SLC16A2: variants seen among roughly 807,000 people sequenced by gnomAD.
SLC16A2 encodes solute carrier family 16 member 2, also known as monocarboxylate transporter 8.
In SLC16A2, 3 loss-of-function variants were observed where a neutral mutation model predicts 27.2. The observed-to-expected ratio is 0.11, with a 90% confidence interval of 0.05 to 0.28. SLC16A2 has a LOEUF of 0.28. SLC16A2 is among the 10% of genes least tolerant of loss of function. The pLI is 1.00. For synonymous variants in SLC16A2, 202 were observed against 187.8 expected (o/e 1.08, Z -0.62); for missense variants, 295 against 458.5 (o/e 0.64, Z 3.26).
rs1043783786 is a variant in SLC16A2 at position 74,434,160 on chromosome X, A to G, written c.430+12093A>G. ...ACCAGAGAAGGAAAAGGGTCCCTCA[A>G]GAAGTGTATGATTCCCTTGAGAAGA... On this transcript the variant is annotated intron_variant, in intron 1 of 5. Coordinates refer to ENST00000587091, the MANE Select transcript of SLC16A2 (RefSeq NM_006517.5). Among the ~76,000 whole-genome samples, 9 of 100,524 alleles carry G rather than the reference A, an allele frequency of 9.0e-5. No individual in the cohort carries two copies. In the East Asian group the frequency reaches 2.3e-3, roughly 26 times the overall value. The allele number at this position is 100,524 out of a possible 115,157, so 87.3% of individuals were successfully genotyped here.
chrX:74,490,685 C>T (rs5937827), intron 1 of SLC16A2, among the ~76,000 whole-genome samples: 3,092 of 111,363 alleles, frequency 0.028, 49 homozygotes, highest in Middle Eastern at 0.07. Context: ...CGCAGGGGCA[C>T]GTTTTGCCTG....
chrX:74,426,430 G>T (rs760704596), intron 1 of SLC16A2, among the ~76,000 whole-genome samples: 14 of 112,269 alleles, frequency 1.2e-4, no homozygotes, highest in Middle Eastern at 4.6e-3. Flanking sequence ...ATGCTTGTTT[G>T]AGTTGGGGTA....
chrX:74,525,082 C>T (rs1029030440), intron 3 of SLC16A2, among the ~76,000 whole-genome samples: 10 of 111,843 alleles, frequency 8.9e-5, no homozygotes, highest in Non-Finnish European at 1.3e-4. Flanking sequence ...TGAAGAGATA[C>T]GCATTGCCAG....
intron 4 of SLC16A2, among the ~76,000 whole-genome samples, chrX:74,528,837 G>C (rs181305219): frequency 5.5e-4 from 61 of 111,705 alleles, no homozygotes; most frequent in African/African-American, 1.8e-3. Flanking sequence ...TGAGAACACC[G>C]GTATGGCCTG....
intron 1 of SLC16A2, among the ~76,000 whole-genome samples, chrX:74,440,528 T>TC (rs1294398434): frequency 9.6e-6 from 1 of 103,684 alleles, no homozygotes; most frequent in Non-Finnish European, 2.0e-5. Context: ...ATTCCTTTTT[T>TC]TTTTTTTTTT....
At chrX:74,495,374 G>A (rs1929914830) in intron 1 of SLC16A2, among the ~76,000 whole-genome samples, 1 of 109,099 alleles carries the variant, frequency 9.2e-6, no homozygotes, top group Non-Finnish European at 1.9e-5. Flanking sequence ...CTGAGGACAG[G>A]GGCTTTGGCC....
chrX:74,458,394 G>A (rs184829180), intron 1 of SLC16A2, among the ~76,000 whole-genome samples: 337 of 111,628 alleles, frequency 3.0e-3, no homozygotes, highest in Middle Eastern at 0.023. Flanking sequence ...TGTTGCCCAG[G>A]CTGGAGTGCA....
At chrX:74,443,140 G>T in intron 1 of SLC16A2, among the ~76,000 whole-genome samples, 1 of 111,449 alleles carries the variant, frequency 9.0e-6, no homozygotes, top group South Asian at 3.8e-4. Context: ...ATAGCTTTAT[G>T]AGGGGATATT....
At chrX:74,456,389 G>A (rs1569287830) in intron 1 of SLC16A2, among the ~76,000 whole-genome samples, 1 of 111,284 alleles carries the variant, frequency 9.0e-6, no homozygotes, top group African/African-American at 3.3e-5. Flanking sequence ...ATCTGCCCAG[G>A]GGAGATAAAA....
At chrX:74,459,875 G>T (rs1020303917) in intron 1 of SLC16A2, among the ~76,000 whole-genome samples, 1 of 111,362 alleles carries the variant, frequency 9.0e-6, no homozygotes, top group African/African-American at 3.3e-5. Flanking sequence ...AATGACTTTG[G>T]TCAACAACTA....
chrX:74,425,939 G>A lies in SLC16A2; in HGVS notation c.430+3872G>A, dbSNP rs757302472. ...CAGAGAAAGGGACAATGGTCAGGAA[G>A]GTTCACTACTAGGCACAAGATAGTT... On this transcript the variant is annotated intron_variant, in intron 1 of 5. Transcript: ENST00000587091. 5.4e-5 allele frequency among the ~76,000 whole-genome samples: 6 copies of A among 111,792 alleles called. No homozygotes were observed. In the South Asian group the frequency reaches 2.2e-3, roughly 42 times the overall value.
intron 1 of SLC16A2, among the ~76,000 whole-genome samples, chrX:74,490,875 C>G (rs932531389): frequency 5.4e-5 from 6 of 111,986 alleles, no homozygotes; most frequent in African/African-American, 1.6e-4. Context: ...GAAGTAGGAT[C>G]TTTAAACAAC....
chrX:74,516,794 G>A lies in SLC16A2; in HGVS notation c.431-4196G>A, dbSNP rs187486164. Among the ~76,000 whole-genome samples, 147 of 111,362 alleles carry A rather than the reference G, an allele frequency of 1.3e-3. 1 individual carries two copies. The highest frequency in any genetic ancestry group is 2.4e-3 in the Non-Finnish European group (125 of 53,014). On this transcript the variant is annotated intron_variant, in intron 1 of 5. Coordinates refer to ENST00000587091, the MANE Select transcript of SLC16A2 (RefSeq NM_006517.5). ...ATCAATGATTACATCAAATGTAAAC[G>A]ATCTAAATATATCAGTTCAAAGACA...
chrX:74,467,341 C>T (rs992789016), intron 1 of SLC16A2, among the ~76,000 whole-genome samples: 1 of 111,198 alleles, frequency 9.0e-6, no homozygotes, highest in African/African-American at 3.3e-5. Flanking sequence ...TAAGGGGGGG[C>T]TTCTAAAACA....
At chrX:74,465,794 G>A (rs1354644750) in intron 1 of SLC16A2, among the ~76,000 whole-genome samples, 2 of 111,305 alleles carry the variant, frequency 1.8e-5, no homozygotes, top group Admixed American at 9.5e-5. Flanking sequence ...TTGGCCCTGT[G>A]AGGGAGGGGA....
rs760787234 is a variant in SLC16A2, at chrX:74,421,523, AGGCAGC to A, written c.-102_-97del. ...GCTGGGGCGCGGAGCCTGGAGGAGG[AGGCAGC>A]GGCAGCGGCAGCAGCAGCCCTCCGA... On this transcript the variant is annotated 5_prime_UTR_variant, in exon 1 of 6. Transcript: ENST00000587091. 229 of 984,303 alleles carry A rather than the reference AGGCAGC, an allele frequency of 2.3e-4. 1 individual carries two copies. Among genetic ancestry groups the A allele is most frequent in the Non-Finnish European group, 2.3e-4 (160 of 706,643 alleles). 81.1% of individuals were successfully genotyped at this position (984,303 alleles called of 1,213,427 possible).
At chrX:74,490,696 G>A (rs1929811187) in intron 1 of SLC16A2, among the ~76,000 whole-genome samples, 1 of 111,328 alleles carries the variant, frequency 9.0e-6, no homozygotes, top group Non-Finnish European at 1.9e-5. Context: ...GTTTTGCCTG[G>A]GAGAAGCAAA....
At chrX:74,504,892 AG>A (rs1930097261) in intron 1 of SLC16A2, among the ~76,000 whole-genome samples, 1 of 111,737 alleles carries the variant, frequency 8.9e-6, no homozygotes, top group African/African-American at 3.3e-5. Flanking sequence ...CGGGAGGCTG[AG>A]GTGAGAAGAT....
At chrX:74,473,103 C>T (rs1330914047) in intron 1 of SLC16A2, 8 of 555,097 alleles carry the variant, frequency 1.4e-5, no homozygotes, top group Non-Finnish European at 2.6e-5. Flanking sequence ...GAATTGGCCT[C>T]CACCACCATA....
Sources: gnomAD v4.1 joint callset for allele counts (sites outside exome capture counted in the v4.1 genomes callset) on GRCh38, gnomAD v4.1.1 for gene constraint, MANE v1.5 for transcripts, NCBI Gene and HGNC (gene_info 2026-07-23, HGNC 2026-07-21) for gene names.